The following CUX1 variants were observed in gnomAD, a reference collection of about 807,000 sequenced individuals.
CUX1 encodes the protein protein CASP.
In CUX1, 31 loss-of-function variants were observed where a neutral mutation model predicts 158.8. The observed-to-expected ratio is 0.20, with a 90% CI of 0.15 to 0.26. The LOEUF is 0.26. Ranked by LOEUF, CUX1 falls within the 10% of genes least tolerant of loss-of-function variation. The pLI is 1.00. For missense variants in CUX1, 1,589 were observed against 2,014.6 expected, an observed-to-expected ratio of 0.79 and a Z score of 4.04; for synonymous variants, 879 against 862.1, an observed-to-expected ratio of 1.02 and a Z score of -0.34.
intron 8 of CUX1, among the ~76,000 whole-genome samples, chr7:102,148,953 T>C (rs1835319772): frequency 6.6e-6 from 1 of 151,980 alleles, no homozygotes; most frequent in Admixed American, 6.6e-5. Flanking sequence ...GTTACTTCAC[T>C]TAGAATAATA....
At chr7:102,146,216 C>T (rs115508016) in intron 8 of CUX1, among the ~76,000 whole-genome samples, 2,387 of 152,204 alleles carry the variant, frequency 0.016, 53 homozygotes, top group African/African-American at 0.053. Flanking sequence ...GAGCAGAAGC[C>T]GAATGAATTA....
chr7:102,136,024 A>G (rs529884152), intron 8 of CUX1, among the ~76,000 whole-genome samples: 2 of 152,240 alleles, frequency 1.3e-5, no homozygotes, highest in South Asian at 4.1e-4. Flanking sequence ...CTTATTTTTC[A>G]ATGACCTATT....
At chr7:101,992,224 G>A (rs375038639) in intron 2 of CUX1, among the ~76,000 whole-genome samples, 1 of 152,162 alleles carries the variant, frequency 6.6e-6, no homozygotes, top group East Asian at 1.9e-4. Flanking sequence ...ACAGGGGAAA[G>A]TGGGACGGGG....
intron 1 of CUX1, among the ~76,000 whole-genome samples, chr7:101,819,312 A>C (rs1255583900): frequency 6.6e-6 from 1 of 152,218 alleles, no homozygotes; most frequent in Non-Finnish European, 1.5e-5. Context: ...ACTTTCTAAG[A>C]CAAAGCTCAT....
At chr7:102,111,555 A>C (rs936299322) in intron 6 of CUX1, 143 bp from the exon 7 acceptor site, 49 of 693,542 alleles carry the variant, frequency 7.1e-5, no homozygotes, top group Middle Eastern at 3.5e-4. Flanking sequence ...GGCCCACGGC[A>C]CACGTGTCGT....
At chr7:101,895,678 C>T (rs765413941) in intron 1 of CUX1, among the ~76,000 whole-genome samples, 109 of 152,130 alleles carry the variant, frequency 7.2e-4, no homozygotes, top group Non-Finnish European at 1.2e-3. Context: ...CACCTGAAGT[C>T]CTGAATCCCT....
At position 102,251,239 on chromosome 7, in the gene CUX1, T is replaced by G; in HGVS notation, c.*2197T>G. The G allele has an allele frequency of 1.0e-6, 1 of 982,472 alleles. No individual in the cohort carries two copies. The highest frequency in any genetic ancestry group is 1.2e-6 in the Non-Finnish European group (1 of 827,322). 60.9% of individuals were successfully genotyped at this position (982,472 alleles called of 1,614,324 possible). On this transcript the variant is annotated 3_prime_UTR_variant, in exon 24 of 24. Transcript: ENST00000292535. ...TAAGTTTAATTAATATTACTTTTTT[T>G]TTTATTTGGGGGGTGGGAGGGAGTT...
At chr7:101,816,512 G>GGGCGGCGGGGGGCGGGC (rs1791809281), upstream of CUX1, among the ~76,000 whole-genome samples, 2 of 141,322 alleles carry the variant, frequency 1.4e-5, no homozygotes, top group Non-Finnish European at 1.6e-5. Context: ...AGCGGGGAGC[G>GGGCGGCGGGGGGCGGGC]GGCGGCGGGG....
rs560364543 is a variant in CUX1, at chr7:102,027,961, T to G, written c.142-137T>G. ...TATTGATGTTTTAGGAGTGCAGGAA[T>G]GGGTGAGGTCCCAGGCTTGCTTTAG... On this transcript the variant is annotated intron_variant, in intron 2 of 23. Transcript: ENST00000292535. 224 of 743,466 alleles carry G rather than the reference T, an allele frequency of 3.0e-4. 1 individual carries two copies. The African/African-American group carries it at 3.6e-3, about 12-fold the overall frequency. The allele number at this position is 743,466 out of a possible 1,614,324, so 46.1% of individuals were successfully genotyped here. A position where few individuals can be genotyped will look rare whatever the true frequency, so the allele number is the denominator to read the frequency against.
At chr7:102,083,947 G>A (rs933154552) in intron 4 of CUX1, among the ~76,000 whole-genome samples, 16 of 145,762 alleles carry the variant, frequency 1.1e-4, no homozygotes, top group African/African-American at 3.7e-4. Flanking sequence ...GTAAAGTGAC[G>A]CGATCTCAGC....
intron 1 of CUX1, among the ~76,000 whole-genome samples, chr7:101,891,124 C>A (rs746884896): frequency 6.6e-6 from 1 of 152,084 alleles, no homozygotes; most frequent in African/African-American, 2.4e-5. Flanking sequence ...GAGGTAGACA[C>A]CAAAAATGTT....
intron 1 of CUX1, among the ~76,000 whole-genome samples, chr7:101,821,477 T>C (rs1388416793): frequency 6.7e-6 from 1 of 149,166 alleles, no homozygotes; most frequent in African/African-American, 2.5e-5. Flanking sequence ...TAGCTGGGAC[T>C]ACAGGCGCTG....
intron 3 of CUX1, among the ~76,000 whole-genome samples, chr7:102,034,643 C>T (rs1468665757): frequency 6.6e-6 from 1 of 151,546 alleles, no homozygotes; most frequent in Non-Finnish European, 1.5e-5. Flanking sequence ...ATCCTAGCTA[C>T]TCAGAAGGCT....
At chr7:102,282,005 C>A in intron 21 of CUX1, 1 of 959,446 alleles carries the variant, frequency 1.0e-6, no homozygotes, top group Non-Finnish European at 1.7e-6. Context: ...TTACGGTGGC[C>A]TGGCCCCTGG....
rs7804034 is a variant in CUX1, at chr7:102,022,900, C to T, written c.142-5198C>T. Among the ~76,000 whole-genome samples, 1,160 of 152,176 alleles carry T rather than the reference C, an allele frequency of 7.6e-3. 55 individuals carry two copies. The East Asian group carries it at 0.14, about 18-fold the overall frequency. On this transcript the variant is annotated intron_variant, in intron 2 of 23. Transcript: ENST00000292535. The stretch of plus-strand genomic sequence containing the variant: ...GTATATAACTGAATTAAGTGTGTAA[C>T]GTGTAACTTGAAGTAATTAAGTTTT...
intron 8 of CUX1, among the ~76,000 whole-genome samples, chr7:102,149,490 G>A (rs1210259052): frequency 6.7e-6 from 1 of 148,810 alleles, no homozygotes; most frequent in Non-Finnish European, 1.5e-5. Flanking sequence ...GGGAGTCCCA[G>A]CGCCACTACG....
Position 102,212,169 on chromosome 7 carries a change from G to A in CUX1, c.3130+6999G>A, listed in dbSNP as rs1203672280. Among the ~76,000 whole-genome samples the A allele has an allele frequency of 2.0e-5, 3 of 152,130 alleles. No homozygotes were observed. In the East Asian group the frequency reaches 5.8e-4, roughly 29 times the overall value. Reference sequence around the variant, plus strand: ...TTTATGCAGGAGAACATGGGTATTTGAAGGGTCTTTTGTTCCTAGGACAGC... The same window carrying A: ...TTTATGCAGGAGAACATGGGTATTTAAAGGGTCTTTTGTTCCTAGGACAGC... On this transcript the variant is annotated intron_variant, in intron 20 of 23. Transcript: ENST00000292535.
In CUX1 at chr7:101,863,680, C is replaced by T. The variant is rs114631082; in HGVS notation, c.30+46011C>T. 5.1e-3 allele frequency among the ~76,000 whole-genome samples: 783 copies of T among 152,258 alleles called. 7 individuals carry two copies. Among genetic ancestry groups the T allele is most frequent in the African/African-American group, 0.018 (756 of 41,540 alleles). ...CTCTTTTTATATTGCAAAACTGAAACTCTGCACCCATTAAACAATAACACT... is the reference window on the plus strand; with the variant it reads ...CTCTTTTTATATTGCAAAACTGAAATTCTGCACCCATTAAACAATAACACT... On this transcript the variant is annotated intron_variant, in intron 1 of 23. Coordinates refer to ENST00000292535, the MANE Select transcript of CUX1 (RefSeq NM_181552.4).
intron 20 of CUX1, among the ~76,000 whole-genome samples, chr7:102,212,006 A>T (rs888153013): frequency 3.9e-5 from 6 of 152,094 alleles, no homozygotes; most frequent in Non-Finnish European, 7.4e-5. Context: ...ATGTATAGGG[A>T]TCACTCAGGG....
Sources: allele counts gnomAD v4.1 joint callset (sites outside exome capture counted in the v4.1 genomes callset), GRCh38; gene constraint gnomAD v4.1.1; transcripts MANE v1.5; gene names NCBI Gene and HGNC (gene_info 2026-07-23, HGNC 2026-07-21).